The following CEP63 variants were observed in gnomAD, a reference collection of about 807,000 sequenced individuals.
CEP63 encodes centrosomal protein 63.
A neutral mutation model predicts 89.1 loss-of-function variants in CEP63; 84 were observed. That is an observed-to-expected ratio of 0.94 (90% CI 0.79 to 1.13). CEP63 has a LOEUF of 1.13. CEP63 is among the 50% of genes most tolerant of loss of function. CEP63 has a pLI of 0.00. For synonymous variants in CEP63, 267 were observed against 272.5 expected, an observed-to-expected ratio of 0.98 and a Z score of 0.20; for missense variants, 838 against 813.3, an observed-to-expected ratio of 1.03 and a Z score of -0.37.
At chr3:134,765,257 A>T in the CEP63 span, among the ~76,000 whole-genome samples, 2 of 152,258 alleles carry the variant, frequency 1.3e-5, no homozygotes, top group Non-Finnish European at 2.9e-5. Flanking sequence ...GATCAAATTC[A>T]TGTTGTTCAT....
the CEP63 span, among the ~76,000 whole-genome samples, chr3:134,661,121 T>C: frequency 6.6e-6 from 1 of 151,930 alleles, no homozygotes; most frequent in African/African-American, 2.4e-5. Flanking sequence ...TTTTAGTGAG[T>C]TTCTTGCAGC....
chr3:134,520,146 C>T (rs914483137), intron 3 of CEP63, among the ~76,000 whole-genome samples: 14 of 152,034 alleles, frequency 9.2e-5, no homozygotes, highest in Non-Finnish European at 1.6e-4. Flanking sequence ...AATACCACTG[C>T]AGTAATTAGC....
the CEP63 span, among the ~76,000 whole-genome samples, chr3:134,775,135 C>T: frequency 6.6e-6 from 1 of 152,300 alleles, no homozygotes; most frequent in Admixed American, 6.5e-5. Context: ...TCTCACTTCC[C>T]CACTCACCTA....
At chr3:134,705,141 T>A in the CEP63 span, among the ~76,000 whole-genome samples, 9 of 152,190 alleles carry the variant, frequency 5.9e-5, no homozygotes, top group African/African-American at 2.2e-4. Context: ...TGAGTTGTTA[T>A]AACAAAATAC....
At chr3:134,697,560 A>G in the CEP63 span, among the ~76,000 whole-genome samples, 3 of 152,148 alleles carry the variant, frequency 2.0e-5, no homozygotes, top group Non-Finnish European at 2.9e-5. Context: ...CCTATGAGAC[A>G]CAGTCTTCAA....
At chr3:134,521,571 TC>T (rs890403339) in intron 3 of CEP63, among the ~76,000 whole-genome samples, 6 of 152,296 alleles carry the variant, frequency 3.9e-5, no homozygotes, top group East Asian at 1.9e-4. Context: ...TTTGTATTTT[TC>T]TCCTTGCTTA....
At chr3:134,653,130 A>G in the CEP63 span, among the ~76,000 whole-genome samples, 1 of 152,228 alleles carries the variant, frequency 6.6e-6, no homozygotes, top group African/African-American at 2.4e-5. Flanking sequence ...GTCTGAAGAC[A>G]GCTTCGGAGC....
the CEP63 span, among the ~76,000 whole-genome samples, chr3:134,620,312 C>T: frequency 4.6e-5 from 7 of 152,186 alleles, no homozygotes; most frequent in African/African-American, 9.6e-5. Context: ...GTGGAGAACC[C>T]GCTTTTCCTG....
chr3:134,610,646 C>T, the CEP63 span: 1 of 413,404 alleles, frequency 2.4e-6, no homozygotes, highest in Non-Finnish European at 4.3e-6. Flanking sequence ...AGACCAACAC[C>T]ATTCAGATCA....
chr3:134,529,705 C>A (rs1424649271), intron 3 of CEP63, among the ~76,000 whole-genome samples: 1 of 151,518 alleles, frequency 6.6e-6, no homozygotes, highest in Non-Finnish European at 1.5e-5. Flanking sequence ...AAGGGTCTCA[C>A]CATGTTGCCC....
At chr3:134,506,515 C>G (rs1943484784) in intron 2 of CEP63, among the ~76,000 whole-genome samples, 1 of 152,130 alleles carries the variant, frequency 6.6e-6, no homozygotes, top group Non-Finnish European at 1.5e-5. Flanking sequence ...ACAAACCAGA[C>G]TTAAAACATC....
chr3:134,771,886 C>G, the CEP63 span, among the ~76,000 whole-genome samples: 1 of 152,178 alleles, frequency 6.6e-6, no homozygotes, highest in Non-Finnish European at 1.5e-5. Flanking sequence ...AAGGTACTAA[C>G]TAGATCATAA....
chr3:134,607,628 G>C, the CEP63 span: 1 of 985,724 alleles, frequency 1.0e-6, no homozygotes, highest in Non-Finnish European at 1.2e-6. Flanking sequence ...AGGCATAAGA[G>C]ACAATCTTCC....
At chr3:134,532,077 C>G in intron 4 of CEP63, 137 bp downstream of exon 4, 1 of 622,418 alleles carries the variant, frequency 1.6e-6, no homozygotes. Flanking sequence ...AGTGGGAATC[C>G]ATTTCTCTGT....
chr3:134,498,926 G>A (rs1484028924), intron 2 of CEP63, among the ~76,000 whole-genome samples: 1 of 152,088 alleles, frequency 6.6e-6, no homozygotes, highest in Non-Finnish European at 1.5e-5. Context: ...TTCTGTTGTT[G>A]GATTTGGTTG....
At chr3:134,667,448 C>T in the CEP63 span, among the ~76,000 whole-genome samples, 4 of 152,178 alleles carry the variant, frequency 2.6e-5, no homozygotes, top group South Asian at 2.1e-4. Flanking sequence ...AACAAAGCTT[C>T]TTTCTTTGGG....
At chr3:134,734,096 C>T in the CEP63 span, among the ~76,000 whole-genome samples, 2 of 152,154 alleles carry the variant, frequency 1.3e-5, no homozygotes, top group Non-Finnish European at 2.9e-5. Flanking sequence ...TATACATACT[C>T]ACTCTAAGGC....
chr3:134,570,984 C>G (rs1224154778), intron 11 of CEP63, among the ~76,000 whole-genome samples: 2 of 152,226 alleles, frequency 1.3e-5, no homozygotes, highest in African/African-American at 4.8e-5. Context: ...TTATTCATCA[C>G]AGACTTATTC....
chr3:134,650,912 T>A, the CEP63 span: 1 of 1,613,206 alleles, frequency 6.2e-7, no homozygotes, highest in Non-Finnish European at 8.5e-7. Context: ...GAGTGCACGA[T>A]CAGCAGCATG....
Sources: allele counts gnomAD v4.1 joint callset (sites outside exome capture counted in the v4.1 genomes callset), GRCh38; gene constraint gnomAD v4.1.1; transcripts MANE v1.5; gene names NCBI Gene and HGNC (gene_info 2026-07-23, HGNC 2026-07-21).